NLGN4X: variants seen among roughly 807,000 people sequenced by gnomAD.
NLGN4X encodes neuroligin-4, X-linked.
A neutral mutation model predicts 40.3 loss-of-function variants in NLGN4X; 3 were observed. The ratio of observed to expected loss-of-function variants is 0.07; its 90% CI spans 0.03 to 0.19. NLGN4X has a LOEUF of 0.19. Among genes scored for constraint, NLGN4X ranks in the 10% least tolerant of loss-of-function variants. The probability of loss-of-function intolerance (pLI) is 1.00; values close to 1 mark genes in which losing one functional copy is unlikely to be tolerated. For missense variants in NLGN4X, 382 were observed against 708.3 expected (o/e 0.54, Z 5.23); for synonymous variants, 270 against 306.8 (o/e 0.88, Z 1.25).
At chrX:5,922,539 T>C (rs1261406434) in intron 3 of NLGN4X, among the ~76,000 whole-genome samples, 1 of 111,723 alleles carries the variant, frequency 9.0e-6, no homozygotes, top group Non-Finnish European at 1.9e-5. Flanking sequence ...TGCCTCAAAC[T>C]GTCTTTAAAT....
At chrX:6,057,940 T>C (rs971696648) in intron 2 of NLGN4X, among the ~76,000 whole-genome samples, 1 of 111,766 alleles carries the variant, frequency 8.9e-6, no homozygotes, top group African/African-American at 3.2e-5. Context: ...ATTCTCAATG[T>C]AATAGGTCTG....
rs758089343 is a variant in NLGN4X, at chrX:6,048,527, C to G, written c.473-19095G>C. On this transcript the variant is annotated intron_variant, in intron 2 of 5. Transcript: ENST00000381095. ...TTCTGACTTGCGTGAGATGGTTTCT[C>G]AATGTGGACATGCAAGTGTATGTTC... is the stretch of plus-strand genomic sequence containing the variant. Among the ~76,000 whole-genome samples the G allele has an allele frequency of 1.3e-4, 15 of 111,669 alleles. No individual in the cohort carries two copies. In the South Asian group the frequency reaches 5.3e-3, roughly 39 times the overall value.
intron 2 of NLGN4X, among the ~76,000 whole-genome samples, chrX:6,105,012 C>T (rs759206591): frequency 1.8e-5 from 2 of 111,295 alleles, no homozygotes; most frequent in East Asian, 5.6e-4. Context: ...AAGATAAAAT[C>T]ACATTAGACC....
Position 6,050,354 on chromosome X carries a change from T to A in NLGN4X, c.473-20922A>T, listed in dbSNP as rs1468151564. ...CATCTATCATCTACCTGTCTATCTA[T>A]CCATCTCTGTCCTCTACCTACCTAC... On this transcript the variant is annotated intron_variant, in intron 2 of 5. Transcript: ENST00000381095. 2.7e-5 allele frequency among the ~76,000 whole-genome samples: 3 copies of A among 111,453 alleles called. No homozygotes were observed. In the Admixed American group the frequency reaches 2.8e-4, roughly 11 times the overall value.
intron 1 of NLGN4X, among the ~76,000 whole-genome samples, chrX:6,199,427 G>A (rs1474414446): frequency 2.7e-5 from 3 of 111,122 alleles, no homozygotes; most frequent in African/African-American, 9.8e-5. Flanking sequence ...AAAAATAGAG[G>A]ATTGATTTTA....
intron 1 of NLGN4X, among the ~76,000 whole-genome samples, chrX:6,227,354 G>C (rs1926470874): frequency 9.2e-6 from 1 of 108,639 alleles, no homozygotes; most frequent in African/African-American, 3.4e-5. Flanking sequence ...CCCTCGCTCC[G>C]AGAAGGGGTG....
chrX:6,019,457 A>C (rs1473861775), intron 3 of NLGN4X, among the ~76,000 whole-genome samples: 2 of 111,688 alleles, frequency 1.8e-5, no homozygotes, highest in Non-Finnish European at 3.8e-5. Flanking sequence ...CGTAGTCTTT[A>C]AACATCCCGC....
intron 3 of NLGN4X, among the ~76,000 whole-genome samples, chrX:5,929,217 C>T (rs961717368): frequency 1.7e-4 from 19 of 111,590 alleles, no homozygotes; most frequent in Admixed American, 1.4e-3. Context: ...AATCCCAGCA[C>T]TTTGGGAGGC....
chrX:6,110,943 G>C (rs1433655698), intron 2 of NLGN4X, among the ~76,000 whole-genome samples: 4 of 111,469 alleles, frequency 3.6e-5, no homozygotes, highest in Non-Finnish European at 7.5e-5. Context: ...GTTACTGAAA[G>C]CTGAAGCCCT....
At chrX:6,006,749 TATA>T (rs897463820) in intron 3 of NLGN4X, among the ~76,000 whole-genome samples, 14 of 111,540 alleles carry the variant, frequency 1.3e-4, no homozygotes, top group African/African-American at 4.3e-4. Flanking sequence ...TTTAAGTAAT[TATA>T]ATAAAAATGA....
chrX:6,084,580 G>A (rs750146735), intron 2 of NLGN4X, among the ~76,000 whole-genome samples: 1 of 111,810 alleles, frequency 8.9e-6, no homozygotes, highest in East Asian at 2.8e-4. Context: ...CCCCGATGAG[G>A]AGAGAGTGTA....
At position 6,205,831 on chromosome X, in the gene NLGN4X, T is replaced by C. The variant is rs186031067; in HGVS notation, c.-306+22710A>G. Among the ~76,000 whole-genome samples, 8 of 112,310 alleles carry C rather than the reference T, an allele frequency of 7.1e-5. 1 individual carries two copies. The highest frequency in any genetic ancestry group is 5.7e-4 in the Admixed American group (6 of 10,575). The stretch of plus-strand genomic sequence containing the variant: ...ATGTCTTGCAGTGTGTAAATACTTG[T>C]GAATGGGTTTTAAATTACACCATTT... On this transcript the variant is annotated intron_variant, in intron 1 of 5. Transcript: ENST00000381095.
At chrX:6,053,656 A>G (rs1021573361) in intron 2 of NLGN4X, among the ~76,000 whole-genome samples, 4 of 111,873 alleles carry the variant, frequency 3.6e-5, no homozygotes, top group African/African-American at 1.3e-4. Flanking sequence ...AAGATCATTT[A>G]GAAAACACCA....
At chrX:6,208,675 C>CAAGGGGATAT (rs1483091798) in intron 1 of NLGN4X, among the ~76,000 whole-genome samples, 1 of 111,774 alleles carries the variant, frequency 8.9e-6, no homozygotes, top group Non-Finnish European at 1.9e-5. Flanking sequence ...ATTTTACTCC[C>CAAGGGGATAT]AAGGGGATAT....
intron 2 of NLGN4X, among the ~76,000 whole-genome samples, chrX:6,098,403 CA>C (rs1387107558): frequency 1.8e-5 from 2 of 111,973 alleles, no homozygotes; most frequent in African/African-American, 6.5e-5. Context: ...TCACACCCTG[CA>C]AATGTCTTCT....
intron 3 of NLGN4X, among the ~76,000 whole-genome samples, chrX:6,023,367 T>C (rs768989122): frequency 8.0e-5 from 9 of 112,467 alleles, no homozygotes; most frequent in African/African-American, 2.9e-4. Context: ...CACAATTGTG[T>C]ATCTTGATCA....
At chrX:6,049,060 T>C (rs1347179858) in intron 2 of NLGN4X, among the ~76,000 whole-genome samples, 1 of 103,204 alleles carries the variant, frequency 9.7e-6, no homozygotes, top group Admixed American at 1.1e-4. Context: ...TGAACATTAT[T>C]TTTGCATATA....
At chrX:6,077,296 C>CTG (rs913188097) in intron 2 of NLGN4X, among the ~76,000 whole-genome samples, 36 of 88,903 alleles carry the variant, frequency 4.0e-4, no homozygotes, top group Middle Eastern at 5.4e-3. Flanking sequence ...GTGTGTGTGT[C>CTG]TGTGTGTGTG....
At chrX:5,969,573 G>A (rs927275831) in intron 3 of NLGN4X, among the ~76,000 whole-genome samples, 22 of 111,335 alleles carry the variant, frequency 2.0e-4, no homozygotes, top group African/African-American at 6.5e-4. Context: ...TACACTGTTG[G>A]CGGGACTGTA....
Sources: allele counts gnomAD v4.1 joint callset (sites outside exome capture counted in the v4.1 genomes callset), GRCh38; gene constraint gnomAD v4.1.1; transcripts MANE v1.5; gene names NCBI Gene and HGNC (gene_info 2026-07-23, HGNC 2026-07-21).